The following DTL variants were observed in gnomAD, a reference collection of about 807,000 sequenced individuals.
DTL encodes denticleless E3 ubiquitin protein ligase adapter, also known as denticleless protein homolog.
Under a neutral mutation model 87.0 loss-of-function variants are expected in DTL, and 46 were observed. The ratio of observed to expected loss-of-function variants is 0.53; its 90% CI spans 0.42 to 0.68. DTL has a LOEUF of 0.68. Ranked by LOEUF, DTL falls within the 30% of genes least tolerant of loss-of-function variation. The pLI, the probability that DTL is intolerant of heterozygous loss-of-function variation, is 0.00. For synonymous variants in DTL, 308 were observed against 311.2 expected (o/e 0.99, Z 0.11); for missense variants, 737 against 869.4 (o/e 0.85, Z 1.91).
chr1:212,056,792 G>A (rs542314933), intron 5 of DTL, among the ~76,000 whole-genome samples: 4 of 152,072 alleles, frequency 2.6e-5, no homozygotes, highest in South Asian at 2.1e-4. Flanking sequence ...CAAAGAGATA[G>A]GTATCATAAA....
rs1242785979 is a variant in DTL at position 212,104,366 on chromosome 1, A to G, written c.*1426A>G. The G allele has an allele frequency of 2.0e-5, 3 of 152,228 alleles. No homozygotes were observed. Among genetic ancestry groups the G allele is most frequent in the African/African-American group, 4.8e-5 (2 of 41,466 alleles). The allele number at this position is 152,228 out of a possible 1,614,324, so 9.4% of individuals were successfully genotyped here. A position where few individuals can be genotyped will look rare whatever the true frequency, so the allele number is the denominator to read the frequency against. On this transcript the variant is annotated 3_prime_UTR_variant, in exon 15 of 15. Coordinates refer to ENST00000366991, the MANE Select transcript of DTL (RefSeq NM_016448.4). ...CTGAAATTGCATGGATCAAGTAAGC[A>G]TAGTTTTATCCAGGGAGAAAAATAA...
chr1:212,076,310 G>T (rs973318923), intron 11 of DTL, among the ~76,000 whole-genome samples: 1 of 152,122 alleles, frequency 6.6e-6, no homozygotes, highest in Non-Finnish European at 1.5e-5. Flanking sequence ...TTAATGCTAT[G>T]TAAAGTGCCT....
At chr1:212,061,805 T>G (rs753391997) in intron 5 of DTL, among the ~76,000 whole-genome samples, 1 of 152,156 alleles carries the variant, frequency 6.6e-6, no homozygotes, top group Non-Finnish European at 1.5e-5. Flanking sequence ...GCTAAAACAG[T>G]ATCATGGAGG....
At position 212,104,753 on chromosome 1, in the gene DTL, G is replaced by C. The variant is rs2102593909; in HGVS notation, c.*1813G>C. 6.6e-6 allele frequency: 1 copy of C among 152,184 alleles called. No individual in the cohort carries two copies. Among genetic ancestry groups the C allele is most frequent in the South Asian group, 2.1e-4 (1 of 4,818 alleles). The allele number at this position is 152,184 out of a possible 1,614,324, so 9.4% of individuals were successfully genotyped here. On this transcript the variant is annotated 3_prime_UTR_variant, in exon 15 of 15. Transcript: ENST00000366991. ...CTTGGAAAGCTAGTACTTTTAAATG[G>C]GTGCCAAAGGTCAACTGTAATGAGA...
rs564993122 is a variant in DTL, at chr1:212,075,087, A to G, written c.1035+2874A>G. ...ATAGTCATTCTACCACTGACTGGTG[A>G]AACGTTGAGCCTGACACTTTAGGAA... On this transcript the variant is annotated intron_variant, in intron 11 of 14. Transcript: ENST00000366991. 2.8e-4 allele frequency among the ~76,000 whole-genome samples: 42 copies of G among 152,326 alleles called. 1 individual carries two copies. In the South Asian group the frequency reaches 7.1e-3, roughly 26 times the overall value.
chr1:212,053,933 G>T (rs1668077367), intron 5 of DTL, among the ~76,000 whole-genome samples: 1 of 152,018 alleles, frequency 6.6e-6, no homozygotes, highest in Non-Finnish European at 1.5e-5. Context: ...CGTTTTCCTG[G>T]CTCTTTGTAA....
chr1:212,041,240 T>G (rs1261852190), intron 1 of DTL, among the ~76,000 whole-genome samples: 1 of 152,052 alleles, frequency 6.6e-6, no homozygotes, highest in Non-Finnish European at 1.5e-5. Flanking sequence ...CACCATTCAT[T>G]GGTGTTTGGA....
In DTL at chr1:212,102,787, T is replaced by G. The variant is rs1381508376; in HGVS notation, c.2095-55T>G. On this transcript the variant is annotated intron_variant, in intron 14 of 14. Coordinates refer to ENST00000366991, the MANE Select transcript of DTL (RefSeq NM_016448.4). ...ATTTAAGGTATGCCTTAGTAATAACTTAGTAACAGTTGAACTTCAAGGAAA... is the reference window on the plus strand; with the variant it reads ...ATTTAAGGTATGCCTTAGTAATAACGTAGTAACAGTTGAACTTCAAGGAAA... 20 of 1,275,090 alleles carry G rather than the reference T, an allele frequency of 1.6e-5. No homozygotes were observed. The Admixed American group carries it at 3.5e-4, about 22-fold the overall frequency. The allele number at this position is 1,275,090 out of a possible 1,614,324, so 79.0% of individuals were successfully genotyped here. A position where few individuals can be genotyped will look rare whatever the true frequency, so the allele number is the denominator to read the frequency against.
chr1:212,064,252 G>A (rs186020808), intron 6 of DTL, among the ~76,000 whole-genome samples: 6 of 152,234 alleles, frequency 3.9e-5, no homozygotes, highest in African/African-American at 1.2e-4. Context: ...AAACTGAGCA[G>A]AAAGTACAGA....
intron 5 of DTL, among the ~76,000 whole-genome samples, chr1:212,052,934 A>G (rs761086755): frequency 7.2e-5 from 11 of 152,180 alleles, no homozygotes; most frequent in Non-Finnish European, 1.3e-4. Flanking sequence ...CTAAATTTAG[A>G]ATCTTTTCAT....
At chr1:212,036,835 G>A (rs185228909) in intron 1 of DTL, among the ~76,000 whole-genome samples, 5 of 152,290 alleles carry the variant, frequency 3.3e-5, no homozygotes, top group Admixed American at 3.3e-4. Flanking sequence ...TATAGCCAGA[G>A]GTTCTTTTTC....
At chr1:212,036,838 T>G (rs1431365141) in intron 1 of DTL, among the ~76,000 whole-genome samples, 2 of 151,688 alleles carry the variant, frequency 1.3e-5, no homozygotes, top group Non-Finnish European at 2.9e-5. Flanking sequence ...AGCCAGAGGT[T>G]CTTTTTCCCC....
At chr1:212,102,097 C>T (rs1032245249) in intron 14 of DTL, among the ~76,000 whole-genome samples, 1 of 152,136 alleles carries the variant, frequency 6.6e-6, no homozygotes, top group East Asian at 1.9e-4. Flanking sequence ...GTGTTCATAA[C>T]CCCGACCTGC....
Position 212,102,949 on chromosome 1 carries a change from CTGAG to C in DTL, c.*15_*18del. ...ACTCAACAGAATTATAGATTCTAAT[CTGAG>C]TGAGTTACTGAGCTTTGGTCCACTA... On this transcript the variant is annotated 3_prime_UTR_variant, in exon 15 of 15. Transcript: ENST00000366991. 6.6e-7 allele frequency: 1 copy of C among 1,509,882 alleles called. No individual in the cohort carries two copies. Among genetic ancestry groups the C allele is most frequent in the African/African-American group, 1.4e-5 (1 of 72,260 alleles). The allele number at this position is 1,509,882 out of a possible 1,614,324, so 93.5% of individuals were successfully genotyped here. A position where few individuals can be genotyped will look rare whatever the true frequency, so the allele number is the denominator to read the frequency against.
At chr1:212,052,689 A>G (rs1452326033) in intron 5 of DTL, among the ~76,000 whole-genome samples, 10 of 149,318 alleles carry the variant, frequency 6.7e-5, no homozygotes, top group Non-Finnish European at 1.5e-5. Flanking sequence ...ATTTATTCAT[A>G]TTCTCTCTCC....
At chr1:212,087,090 A>C (rs577758024) in intron 13 of DTL, among the ~76,000 whole-genome samples, 4 of 152,352 alleles carry the variant, frequency 2.6e-5, no homozygotes, top group African/African-American at 9.6e-5. Context: ...TACTTGGATT[A>C]TCTCATTTAA....
chr1:212,047,112 CA>C (rs1313920398), intron 3 of DTL, 38 bp from the exon 4 acceptor site: 1 of 1,584,794 alleles, frequency 6.3e-7, no homozygotes, highest in Admixed American at 1.7e-5. Flanking sequence ...CCACAGAATA[CA>C]ATTTAGACAT....
At chr1:212,050,221 A>G (rs1667926055) in intron 5 of DTL, among the ~76,000 whole-genome samples, 1 of 152,188 alleles carries the variant, frequency 6.6e-6, no homozygotes, top group Non-Finnish European at 1.5e-5. Flanking sequence ...TCAGAGGACC[A>G]TATAAATACT....
intron 1 of DTL, among the ~76,000 whole-genome samples, chr1:212,038,733 T>G (rs181857172): frequency 6.6e-6 from 1 of 152,346 alleles, no homozygotes; most frequent in Non-Finnish European, 1.5e-5. Flanking sequence ...CTAATGATCC[T>G]TCTAAAATGG....
Sources: allele counts gnomAD v4.1 joint callset (sites outside exome capture counted in the v4.1 genomes callset), GRCh38; gene constraint gnomAD v4.1.1; transcripts MANE v1.5; gene names NCBI Gene and HGNC (gene_info 2026-07-23, HGNC 2026-07-21).